ATP6V1H: variants seen among roughly 807,000 people sequenced by gnomAD.
ATP6V1H encodes the protein V-type proton ATPase subunit H.
In ATP6V1H, 39 loss-of-function variants were observed where a neutral mutation model predicts 71.7. That is an observed-to-expected ratio of 0.54 (90% CI 0.42 to 0.71). The LOEUF is 0.71. Ranked by LOEUF, ATP6V1H falls within the 30% of genes least tolerant of loss-of-function variation. The pLI is 0.00. For missense variants in ATP6V1H, 509 were observed against 594.9 expected (o/e 0.86, Z 1.50); for synonymous variants, 192 against 199.3 (o/e 0.96, Z 0.31).
At chr8:53,747,301 A>AT (rs572947886) in intron 12 of ATP6V1H, among the ~76,000 whole-genome samples, 399 of 152,266 alleles carry the variant, frequency 2.6e-3, no homozygotes, top group African/African-American at 9.0e-3. Context: ...GAAAGTCAAT[A>AT]TTTTTTAATC....
At chr8:53,820,785 C>G (rs1002177914) in intron 4 of ATP6V1H, among the ~76,000 whole-genome samples, 2 of 150,808 alleles carry the variant, frequency 1.3e-5, no homozygotes, top group Admixed American at 1.3e-4. Flanking sequence ...AGTTCTAGAC[C>G]AGCTTGGCCA....
intron 7 of ATP6V1H, among the ~76,000 whole-genome samples, chr8:53,803,754 AAAC>A (rs1291230486): frequency 6.6e-6 from 1 of 152,238 alleles, no homozygotes; most frequent in Non-Finnish European, 1.5e-5. Context: ...TTCAGTTCTA[AAAC>A]AACATTCCAT....
intron 12 of ATP6V1H, 165 bp downstream of exon 12, chr8:53,756,390 T>C: frequency 1.8e-6 from 1 of 547,594 alleles, no homozygotes; most frequent in Non-Finnish European, 3.2e-6. Flanking sequence ...CCTATACTAC[T>C]CATTTTTAAC....
intron 7 of ATP6V1H, 59 bp downstream of exon 7, chr8:53,811,105 T>C (rs1031138280): frequency 2.7e-6 from 4 of 1,485,118 alleles, no homozygotes; most frequent in Non-Finnish European, 3.7e-6. Context: ...ATTTTAAGTG[T>C]ATATGACTCA....
intron 5 of ATP6V1H, 129 bp downstream of exon 5, chr8:53,817,288 A>T: frequency 1.9e-6 from 1 of 526,958 alleles, no homozygotes; most frequent in Non-Finnish European, 3.3e-6. Flanking sequence ...CTGTAATCCC[A>T]GCACTTTGGG....
At chr8:53,768,019 A>G (rs1808528393) in intron 11 of ATP6V1H, among the ~76,000 whole-genome samples, 1 of 152,230 alleles carries the variant, frequency 6.6e-6, no homozygotes, top group Non-Finnish European at 1.5e-5. Context: ...ATGAGACAAA[A>G]TATTTGCAAA....
At position 53,770,384 on chromosome 8, in the gene ATP6V1H, T is replaced by C. The variant is rs140377260; in HGVS notation, c.1050-641A>G. Among the ~76,000 whole-genome samples, 339 of 152,244 alleles carry C rather than the reference T, an allele frequency of 2.2e-3. 2 individuals carry two copies. Among genetic ancestry groups the C allele is most frequent in the African/African-American group, 7.9e-3 (328 of 41,562 alleles). Reference sequence around the variant, plus strand: ...AACTTGATTATTCCAAGCTTTACAGTAGGAAAATGTTTAATGTGGTTAGCC... The same window carrying C: ...AACTTGATTATTCCAAGCTTTACAGCAGGAAAATGTTTAATGTGGTTAGCC... On this transcript the variant is annotated intron_variant, in intron 10 of 13. Coordinates refer to ENST00000359530, the MANE Select transcript of ATP6V1H (RefSeq NM_015941.4).
intron 7 of ATP6V1H, among the ~76,000 whole-genome samples, chr8:53,808,221 C>T (rs1810154858): frequency 6.6e-6 from 1 of 152,146 alleles, no homozygotes; most frequent in Non-Finnish European, 1.5e-5. Flanking sequence ...AGAAACAAAT[C>T]CCCAGGTTCT....
chr8:53,784,052 T>C (rs1364358142), intron 9 of ATP6V1H, among the ~76,000 whole-genome samples: 1 of 150,098 alleles, frequency 6.7e-6, no homozygotes, highest in African/African-American at 2.5e-5. Context: ...TAGATGTCTA[T>C]TAGGTCCACT....
rs181186983 is a variant in ATP6V1H, at chr8:53,766,679, C to G, written c.1175+2939G>C. Among the ~76,000 whole-genome samples the G allele has an allele frequency of 3.9e-5, 6 of 152,288 alleles. No homozygotes were observed. The East Asian group carries it at 7.7e-4, about 20-fold the overall frequency. Reference sequence around the variant, plus strand: ...GGGTAGGTCTCTGAACTGGCCCCCCCAGGGTGTACCTGTCTCTTATGGTTG... The same window carrying G: ...GGGTAGGTCTCTGAACTGGCCCCCCGAGGGTGTACCTGTCTCTTATGGTTG... On this transcript the variant is annotated intron_variant, in intron 11 of 13. Coordinates refer to ENST00000359530, the MANE Select transcript of ATP6V1H (RefSeq NM_015941.4).
intron 13 of ATP6V1H, among the ~76,000 whole-genome samples, chr8:53,724,965 T>C (rs1806760714): frequency 6.6e-6 from 1 of 152,054 alleles, no homozygotes. Context: ...GGTAACAGCT[T>C]ACCTACAAAC....
chr8:53,782,010 A>C (rs1809156383), intron 9 of ATP6V1H, among the ~76,000 whole-genome samples: 1 of 152,208 alleles, frequency 6.6e-6, no homozygotes, highest in Non-Finnish European at 1.5e-5. Flanking sequence ...CTTAGGATTA[A>C]CTTGGCAATG....
At chr8:53,827,987 G>A (rs1563485031) in intron 4 of ATP6V1H, among the ~76,000 whole-genome samples, 3 of 152,068 alleles carry the variant, frequency 2.0e-5, no homozygotes, top group African/African-American at 4.8e-5. Context: ...GTATATGTAC[G>A]TTTTCTTTAT....
chr8:53,737,859 G>GT (rs1246108278), intron 13 of ATP6V1H, among the ~76,000 whole-genome samples: 2 of 151,998 alleles, frequency 1.3e-5, no homozygotes, highest in African/African-American at 4.8e-5. Flanking sequence ...AAGACAATAG[G>GT]CTGATACTCT....
At chr8:53,794,194 A>G (rs145779628) in intron 9 of ATP6V1H, among the ~76,000 whole-genome samples, 1 of 152,336 alleles carries the variant, frequency 6.6e-6, no homozygotes, top group African/African-American at 2.4e-5. Context: ...TTAAGAATAA[A>G]GTTATAGACC....
intron 9 of ATP6V1H, among the ~76,000 whole-genome samples, chr8:53,781,754 C>T (rs1809143601): frequency 1.3e-5 from 2 of 152,010 alleles, no homozygotes; most frequent in Non-Finnish European, 2.9e-5. Flanking sequence ...CAGCTTTCTA[C>T]ATATGGCTAG....
intron 11 of ATP6V1H, among the ~76,000 whole-genome samples, chr8:53,768,662 G>C (rs755642099): frequency 3.9e-5 from 6 of 152,030 alleles, no homozygotes; most frequent in Non-Finnish European, 5.9e-5. Flanking sequence ...ACACATTACA[G>C]TACATGAAAG....
intron 9 of ATP6V1H, among the ~76,000 whole-genome samples, chr8:53,793,680 T>A (rs1809638875): frequency 6.6e-6 from 1 of 152,028 alleles, no homozygotes; most frequent in South Asian, 2.1e-4. Context: ...GGCTCATGCC[T>A]GTAATCTCAG....
Position 53,795,780 on chromosome 8 carries a change from G to GA in ATP6V1H, c.736dup (p.Ser246PhefsTer13). 6.2e-7 allele frequency: 1 copy of GA among 1,613,404 alleles called. No homozygotes were observed. The highest frequency in any genetic ancestry group is 8.5e-7 in the Non-Finnish European group (1 of 1,179,794). On this transcript the variant is annotated frameshift_variant, in exon 9 of 14. Coordinates refer to ENST00000359530, the MANE Select transcript of ATP6V1H (RefSeq NM_015941.4). LOFTEE classifies it high-confidence loss of function. ...AGGACTGAATGCCAGGAGCCATATTGAAAAAATCATTTGATACTGGAGCTG... is the reference window on the plus strand; with the variant it reads ...AGGACTGAATGCCAGGAGCCATATTGAAAAAAATCATTTGATACTGGAGCTG...
Sources: gnomAD v4.1 joint callset for allele counts (sites outside exome capture counted in the v4.1 genomes callset) on GRCh38, gnomAD v4.1.1 for gene constraint, MANE v1.5 for transcripts, NCBI Gene and HGNC (gene_info 2026-07-23, HGNC 2026-07-21) for gene names.